The following TMEM259 variants were observed in gnomAD, a reference collection of about 807,000 sequenced individuals.
The protein encoded by TMEM259 is membralin.
In TMEM259, 26 loss-of-function variants were observed where a neutral mutation model predicts 46.7. The observed-to-expected ratio is 0.56, with a 90% confidence interval of 0.41 to 0.77. TMEM259 has a LOEUF of 0.77. TMEM259 is among the 30% of genes least tolerant of loss of function. TMEM259 has a pLI of 0.00. For synonymous variants in TMEM259, 494 were observed against 395.1 expected, an observed-to-expected ratio of 1.25 and a Z score of -2.97; for missense variants, 930 against 900.5, an observed-to-expected ratio of 1.03 and a Z score of -0.42.
chr19:1,012,271 C>G, intron 4 of TMEM259, 83 bp from the exon 5 acceptor site: 1 of 1,529,456 alleles, frequency 6.5e-7, no homozygotes, highest in East Asian at 2.5e-5. Flanking sequence ...ATTGCTGAGG[C>G]CTGGCCTGCT....
chr19:1,010,962 G>A (rs918147479), intron 10 of TMEM259, 67 bp from the exon 11 acceptor site: 128 of 1,559,116 alleles, frequency 8.2e-5, no homozygotes, highest in Non-Finnish European at 1.1e-4. Context: ...GCTCCCAGAG[G>A]GCAGCCCACC....
At position 1,021,094 on chromosome 19, in the gene TMEM259, C is replaced by T; in HGVS notation, c.-98G>A. 1 of 1,181,076 alleles carries T rather than the reference C, an allele frequency of 8.5e-7. No individual in the cohort carries two copies. Among genetic ancestry groups the T allele is most frequent in the Non-Finnish European group, 1.1e-6 (1 of 938,644 alleles). 73.2% of individuals were successfully genotyped at this position (1,181,076 alleles called of 1,614,324 possible). A position where few individuals can be genotyped will look rare whatever the true frequency, so the allele number is the denominator to read the frequency against. On this transcript the variant is annotated 5_prime_UTR_variant, in exon 1 of 11. Coordinates refer to ENST00000356663, the MANE Select transcript of TMEM259 (RefSeq NM_001033026.2). ...CAGCCGCCGCTCTCCTCACGGCCTC[C>T]CGGCCGCCGCCGCCATCTTCCGCTT...
rs575823343 is a variant in TMEM259 at position 1,015,217 on chromosome 19, G to A, written c.226-744C>T. On this transcript the variant is annotated intron_variant, in intron 1 of 10. Transcript: ENST00000356663. ...CGCCCCACGGCAGGGCGAGGCTGCC[G>A]TGCCCGAGGCACAACCTATGAACTG... 4.5e-3 allele frequency among the ~76,000 whole-genome samples: 684 copies of A among 152,348 alleles called. 8 individuals are homozygous for A. Among genetic ancestry groups the A allele is most frequent in the African/African-American group, 0.016 (657 of 41,590 alleles).
At position 1,018,831 on chromosome 19, in the gene TMEM259, C is replaced by CA. The variant is rs901638714; in HGVS notation, c.225+1940dup. Among the ~76,000 whole-genome samples the CA allele has an allele frequency of 2.0e-5, 3 of 151,782 alleles. No individual in the cohort carries two copies. In the South Asian group the frequency reaches 6.2e-4, roughly 32 times the overall value. On this transcript the variant is annotated intron_variant, in intron 1 of 10. Transcript: ENST00000356663. The stretch of plus-strand genomic sequence containing the variant: ...CAAAACCCAGTCTCTACTAAAAAGA[C>CA]AAAAAAATTAGCCGGTTGTGATGGT...
intron 3 of TMEM259, 92 bp downstream of exon 3, chr19:1,013,149 G>T: frequency 4.4e-6 from 5 of 1,128,096 alleles, no homozygotes; most frequent in Non-Finnish European, 6.7e-6. Flanking sequence ...CAGCCAGCAG[G>T]CTGGGGATGT....
Position 1,012,507 on chromosome 19 carries a change from G to T in TMEM259, c.674C>A (p.Ala225Asp). Reference sequence around the variant, plus strand: ...GGGGATGCTCAGGCGCTGGCGGGTGGCCTGCGACAGGCGAAGGAAGCCATA... The same window carrying T: ...GGGGATGCTCAGGCGCTGGCGGGTGTCCTGCGACAGGCGAAGGAAGCCATA... ...LEYGFLRLSQATRQRLSIPVM... is the reference protein window; with the variant it reads ...LEYGFLRLSQDTRQRLSIPVM... The change falls in exon 4 of 11, where the codon GCC becomes GAC. Residue 225 changes from alanine to aspartate, a missense_variant. Ala to Asp is a moderately radical substitution (Grantham distance 126). Transcript: ENST00000356663. 1.2e-6 allele frequency: 2 copies of T among 1,602,026 alleles called. No homozygotes were observed. The highest frequency in any genetic ancestry group is 1.7e-5 in the Admixed American group (1 of 58,746).
chr19:1,011,022 TCCTCCCCGGCTGCAG>T, intron 10 of TMEM259, 59 bp downstream of exon 10: 1 of 1,547,426 alleles, frequency 6.5e-7, no homozygotes. Context: ...CCACAGGGCA[TCCTCCCCGGCTGCAG>T]CCTCTCCTGC....
At position 1,010,215 on chromosome 19, in the gene TMEM259, C is replaced by A; in HGVS notation, c.*135G>T. On this transcript the variant is annotated 3_prime_UTR_variant, in exon 11 of 11. Transcript: ENST00000356663. ...GAGGAAAGCCGCCTTCCGGGCAAACCCCACGAAACCCTGAAAGCCCCCGAC... is the reference window on the plus strand; with the variant it reads ...GAGGAAAGCCGCCTTCCGGGCAAACACCACGAAACCCTGAAAGCCCCCGAC... 1 of 881,584 alleles carries A rather than the reference C, an allele frequency of 1.1e-6. No homozygotes were observed. The highest frequency in any genetic ancestry group is 1.6e-6 in the Non-Finnish European group (1 of 622,106). The allele number at this position is 881,584 out of a possible 1,614,324, so 54.6% of individuals were successfully genotyped here. A position where few individuals can be genotyped will look rare whatever the true frequency, so the allele number is the denominator to read the frequency against.
At chr19:1,016,953 G>A (rs1470183513) in intron 1 of TMEM259, among the ~76,000 whole-genome samples, 1 of 152,196 alleles carries the variant, frequency 6.6e-6, no homozygotes, top group African/African-American at 2.4e-5. Context: ...CTATGACTCA[G>A]ACGTCACTGT....
chr19:1,015,029 C>T lies in TMEM259; in HGVS notation c.226-556G>A, dbSNP rs2039062841. Among the ~76,000 whole-genome samples the T allele has an allele frequency of 2.6e-5, 4 of 152,252 alleles. No individual in the cohort carries two copies. The South Asian group carries it at 8.3e-4, about 31-fold the overall frequency. On this transcript the variant is annotated intron_variant, in intron 1 of 10. Coordinates refer to ENST00000356663, the MANE Select transcript of TMEM259 (RefSeq NM_001033026.2). ...GCACAGCCCTCCACAGCCCAACCTG[C>T]TGCTTCCTGCCTCACCTTCCGCTGC...
chr19:1,015,050 G>A lies in TMEM259; in HGVS notation c.226-577C>T, dbSNP rs552737995. Among the ~76,000 whole-genome samples the A allele has an allele frequency of 5.3e-5, 8 of 152,324 alleles. No homozygotes were observed. In the East Asian group the frequency reaches 5.8e-4, roughly 11 times the overall value. On this transcript the variant is annotated intron_variant, in intron 1 of 10. Transcript: ENST00000356663. ...CCTGCTGCTTCCTGCCTCACCTTCCGCTGCGTCCCCAGCACTCCCCTGATC... is the reference window on the plus strand; with the variant it reads ...CCTGCTGCTTCCTGCCTCACCTTCCACTGCGTCCCCAGCACTCCCCTGATC...
rs371524483 is a variant in TMEM259 at position 1,011,204 on chromosome 19, C to T, written c.1218-9G>A. On this transcript the variant is annotated splice_polypyrimidine_tract_variant and intron_variant, in intron 9 of 10. Coordinates refer to ENST00000356663, the MANE Select transcript of TMEM259 (RefSeq NM_001033026.2). ...GGTAGAGATAGAAGAACCTGCGGGG[C>T]GGGGTGAGGGCGTCGGGGCTGCAGG... 1.3e-5 allele frequency: 21 copies of T among 1,584,074 alleles called. No homozygotes were observed. The highest frequency in any genetic ancestry group is 4.1e-5 in the African/African-American group (3 of 74,046).
At position 1,014,239 on chromosome 19, in the gene TMEM259, C is replaced by A; in HGVS notation, c.460G>T (p.Glu154Ter). ...ATCTCCATGGTCAGCTCTTCCTCCT[C>A]CTCATCTTCCATGTCCAGGTTGCTG... is the stretch of plus-strand genomic sequence containing the variant. ...PGSNLDMEDEEEEELTMEMFG... is the reference protein window; with the variant it reads ...PGSNLDMEDE Residue 154 changes from glutamate to a stop codon, truncating the protein, a stop_gained, in exon 2 of 11, where the codon GAG becomes TAG. Transcript: ENST00000356663. LOFTEE classifies it high-confidence loss of function. 1 of 1,612,726 alleles carries A rather than the reference C, an allele frequency of 6.2e-7. No homozygotes were observed. The highest frequency in any genetic ancestry group is 8.5e-7 in the Non-Finnish European group (1 of 1,179,266).
Position 1,011,214 on chromosome 19 carries a change from G to T in TMEM259, c.1218-19C>A, listed in dbSNP as rs755239590. The stretch of plus-strand genomic sequence containing the variant: ...GAAGAACCTGCGGGGCGGGGTGAGG[G>T]CGTCGGGGCTGCAGGTCCCACCCTG... On this transcript the variant is annotated intron_variant, in intron 9 of 10. Coordinates refer to ENST00000356663, the MANE Select transcript of TMEM259 (RefSeq NM_001033026.2). The T allele has an allele frequency of 5.0e-5, 79 of 1,569,892 alleles. 1 individual carries two copies. In the South Asian group the frequency reaches 7.5e-4, roughly 15 times the overall value.
At chr19:1,017,992 T>C (rs2039165686) in intron 1 of TMEM259, among the ~76,000 whole-genome samples, 1 of 152,066 alleles carries the variant, frequency 6.6e-6, no homozygotes, top group Non-Finnish European at 1.5e-5. Flanking sequence ...ACATACCCCG[T>C]CTTTAATCGT....
rs199857013 is a variant in TMEM259, at chr19:1,010,548, G to C, written c.1665C>G (p.Ser555=). The change falls in exon 11 of 11, where the codon TCC becomes TCG. Residue 555 remains serine, a synonymous_variant. Coordinates refer to ENST00000356663, the MANE Select transcript of TMEM259 (RefSeq NM_001033026.2). ...AAIITDASFL[S]GLSASLLERR... Reference sequence around the variant, plus strand: ...GCTCCAGGAGGGAGGCGCTCAGGCCGGACAGGAAGGAGGCGTCTGTGATGA... The same window carrying C: ...GCTCCAGGAGGGAGGCGCTCAGGCCCGACAGGAAGGAGGCGTCTGTGATGA... 1.9e-6 allele frequency: 3 copies of C among 1,548,498 alleles called. No homozygotes were observed. In the South Asian group the frequency reaches 3.6e-5, roughly 18 times the overall value.
At chr19:1,012,629 T>C in intron 3 of TMEM259, 56 bp from the exon 4 acceptor site, 1 of 1,532,824 alleles carries the variant, frequency 6.5e-7, no homozygotes. Context: ...CCCCGCCCAC[T>C]GCCAGCAGGC....
chr19:1,020,420 G>A lies in TMEM259; in HGVS notation c.225+352C>T, dbSNP rs1229404704. On this transcript the variant is annotated intron_variant, in intron 1 of 10. Transcript: ENST00000356663. This position sits in a 1 kb window ranked among gnomAD's most constrained non-coding sequence, Gnocchi z 4.0. The stretch of plus-strand genomic sequence containing the variant: ...CTCGCAGGCCAGGACCGGACTCCAA[G>A]CCTGGGTAGGTGGGGACCTGGGAAA... Among the ~76,000 whole-genome samples the A allele has an allele frequency of 1.1e-4, 17 of 152,244 alleles. No individual in the cohort carries two copies. The highest frequency in any genetic ancestry group is 3.3e-4 in the Admixed American group (5 of 15,298).
At position 1,020,808 on chromosome 19, in the gene TMEM259, G is replaced by A. The variant is rs780061744; in HGVS notation, c.189C>T (p.Ala63=). The A allele has an allele frequency of 3.7e-6, 5 of 1,364,142 alleles. No individual in the cohort carries two copies. The South Asian group carries it at 8.1e-5, about 22-fold the overall frequency. 84.5% of individuals were successfully genotyped at this position (1,364,142 alleles called of 1,614,324 possible). A position where few individuals can be genotyped will look rare whatever the true frequency, so the allele number is the denominator to read the frequency against. ...AVTYSRLFPP[A]FRRLFEFFVL... is the part of the protein sequence containing the mutation. ...CGAAGAACTCGAAGAGACGGCGGAA[G>A]GCGGGCGGGAAGAGCCGCGAATAGG... is the stretch of plus-strand genomic sequence containing the variant. The change falls in exon 1 of 11, where the codon GCC becomes GCT. Residue 63 remains alanine, a synonymous_variant. Coordinates refer to ENST00000356663, the MANE Select transcript of TMEM259 (RefSeq NM_001033026.2). The surrounding 1 kb of genome is among the most constrained non-coding windows in gnomAD (Gnocchi z 4.0).
Sources: allele counts gnomAD v4.1 joint callset (sites outside exome capture counted in the v4.1 genomes callset), GRCh38; gene constraint gnomAD v4.1.1; non-coding constraint Gnocchi (gnomAD v3.1); transcripts MANE v1.5; gene names NCBI Gene and HGNC (gene_info 2026-07-23, HGNC 2026-07-21).